Variants in C10orf67 observed in about 807,000 individuals in gnomAD.
C10orf67 encodes the protein uncharacterized protein C10orf67, mitochondrial.
C10orf67 carries 60 observed loss-of-function variants against 35.6 expected under a neutral mutation model. The observed-to-expected ratio is 1.68, with a 90% CI of 1.37 to 2.09. The LOEUF is 2.09. C10orf67 is among the 30% of genes most tolerant of loss of function. The pLI is 0.00. For synonymous variants in C10orf67, 167 were observed against 115.8 expected (o/e 1.44, Z -2.84); for missense variants, 474 against 330.2 (o/e 1.44, Z -3.38).
At chr10:23,228,620 A>G (rs1841813725) in intron 13 of C10orf67, among the ~76,000 whole-genome samples, 1 of 152,216 alleles carries the variant, frequency 6.6e-6, no homozygotes, top group South Asian at 2.1e-4. Flanking sequence ...GCTTCTGCAC[A>G]GCAAAAGAAA....
rs11013402 is a variant in C10orf67, at chr10:23,338,566, G to A, written c.207-5384C>T. ...TACAGAACATCTTATCCATCATCAC[G>A]GTATTCTCACAGCACCACTTCCCAT... is the stretch of plus-strand genomic sequence containing the variant. On this transcript the variant is annotated intron_variant, in intron 1 of 15. Transcript: ENST00000636213. Among the ~76,000 whole-genome samples the A allele has an allele frequency of 6.1e-3, 929 of 152,182 alleles. 10 individuals are homozygous for A. The highest frequency in any genetic ancestry group is 0.021 in the African/African-American group (878 of 41,518).
chr10:23,261,706 G>C (rs117588430), intron 10 of C10orf67, among the ~76,000 whole-genome samples: 2,064 of 152,250 alleles, frequency 0.014, 28 homozygotes, highest in Middle Eastern at 0.089. Flanking sequence ...CTCTGGATTT[G>C]GTGAGCAATA....
chr10:23,305,961 A>G (rs1844257366), intron 4 of C10orf67, among the ~76,000 whole-genome samples: 1 of 143,672 alleles, frequency 7.0e-6, no homozygotes, highest in Non-Finnish European at 1.5e-5. Flanking sequence ...AAAACGTTAC[A>G]TACGCGCACA....
At chr10:23,317,573 G>C (rs1001935129) in intron 4 of C10orf67, 1 of 152,194 alleles carries the variant, frequency 6.6e-6, no homozygotes, top group African/African-American at 2.4e-5. Context: ...GGCCACTGCT[G>C]AAATGATTAC....
rs570425674 is a variant in C10orf67, at chr10:23,317,690, C to T, written c.546+3051G>A. ...TCTATAGAAAACTTATTAAAATAAA[C>T]ACAAGAATTTAGCAAGATTTTTGGT... On this transcript the variant is annotated intron_variant, in intron 4 of 15. Coordinates refer to ENST00000636213, the MANE Select transcript of C10orf67 (RefSeq NM_001371909.1). 136 of 152,244 alleles carry T rather than the reference C, an allele frequency of 8.9e-4. 1 individual carries two copies. Among genetic ancestry groups the T allele is most frequent in the African/African-American group, 3.1e-3 (130 of 41,528 alleles). The allele number at this position is 152,244 out of a possible 1,614,324, so 9.4% of individuals were successfully genotyped here. A position where few individuals can be genotyped will look rare whatever the true frequency, so the allele number is the denominator to read the frequency against.
intron 2 of C10orf67, among the ~76,000 whole-genome samples, chr10:23,329,810 A>AAAAG (rs1845369200): frequency 6.7e-6 from 1 of 148,376 alleles, no homozygotes; most frequent in East Asian, 2.0e-4. Flanking sequence ...AAAAAAAAAA[A>AAAAG]AAAAAAGAAA....
At chr10:23,305,450 C>A (rs1186006134) in intron 4 of C10orf67, among the ~76,000 whole-genome samples, 2 of 151,998 alleles carry the variant, frequency 1.3e-5, no homozygotes, top group Non-Finnish European at 2.9e-5. Context: ...CCAGCCTGAG[C>A]AACATAACAA....
intron 7 of C10orf67, among the ~76,000 whole-genome samples, chr10:23,285,436 CAT>C (rs1425067989): frequency 3.3e-5 from 5 of 149,792 alleles, no homozygotes; most frequent in African/African-American, 1.2e-4. Context: ...TAATGTGAGT[CAT>C]ATATAATTTT....
At chr10:23,234,187 G>A (rs972665973) in intron 13 of C10orf67, among the ~76,000 whole-genome samples, 1 of 152,072 alleles carries the variant, frequency 6.6e-6, no homozygotes, top group African/African-American at 2.4e-5. Context: ...ATACACAAAG[G>A]AATATAAATT....
intron 15 of C10orf67, 48 bp downstream of exon 15, chr10:23,223,550 A>C (rs1217362709): frequency 7.0e-6 from 5 of 716,450 alleles, no homozygotes; most frequent in Non-Finnish European, 1.3e-5. Flanking sequence ...ATCTAGACTA[A>C]GTAGCCATTC....
At chr10:23,273,720 A>G (rs1843095483) in intron 8 of C10orf67, among the ~76,000 whole-genome samples, 1 of 152,214 alleles carries the variant, frequency 6.6e-6, no homozygotes, top group Non-Finnish European at 1.5e-5. Flanking sequence ...GGCATAGAGC[A>G]ATAGCTGGTC....
At chr10:23,243,238 C>T (rs1842227919) in intron 12 of C10orf67, among the ~76,000 whole-genome samples, 1 of 152,082 alleles carries the variant, frequency 6.6e-6, no homozygotes, top group Non-Finnish European at 1.5e-5. Flanking sequence ...GAAATAGATA[C>T]ATCTATAATC....
At chr10:23,248,546 G>T (rs1457132607) in intron 12 of C10orf67, among the ~76,000 whole-genome samples, 1 of 152,148 alleles carries the variant, frequency 6.6e-6, no homozygotes, top group Non-Finnish European at 1.5e-5. Context: ...CTCTGATCTT[G>T]ACTGGCTAAG....
chr10:23,204,238 G>T lies in C10orf67; in HGVS notation c.1588C>A (p.Pro530Thr). The T allele has an allele frequency of 1.5e-6, 1 of 653,908 alleles. No homozygotes were observed. The highest frequency in any genetic ancestry group is 2.9e-6 in the Non-Finnish European group (1 of 350,360). The allele number at this position is 653,908 out of a possible 1,614,324, so 40.5% of individuals were successfully genotyped here. ...LSPKGKLSES[P>T]KEESLEEPSM... is the part of the protein sequence containing the mutation. ...GGCTCCTCCAAGGACTCTTCTTTTGGGGATTCCGACAACTTCCCTAAACGT... is the reference window on the plus strand; with the variant it reads ...GGCTCCTCCAAGGACTCTTCTTTTGTGGATTCCGACAACTTCCCTAAACGT... The change falls in exon 16 of 16, where the codon CCA becomes ACA. Residue 530 changes from proline (P) to threonine (T), a missense_variant. Transcript: ENST00000636213.
At chr10:23,311,804 A>T (rs971767130) in intron 4 of C10orf67, among the ~76,000 whole-genome samples, 1 of 152,118 alleles carries the variant, frequency 6.6e-6, no homozygotes, top group Non-Finnish European at 1.5e-5. Flanking sequence ...TTGGAATTTC[A>T]ATTGTCTCAT....
intron 10 of C10orf67, among the ~76,000 whole-genome samples, chr10:23,256,753 G>A (rs1252022382): frequency 6.6e-6 from 1 of 151,976 alleles, no homozygotes; most frequent in Admixed American, 6.6e-5. Context: ...TTTGAAAGGA[G>A]TCTCTGTTGA....
At chr10:23,223,295 G>A (rs1033624292) in intron 15 of C10orf67, among the ~76,000 whole-genome samples, 1 of 151,976 alleles carries the variant, frequency 6.6e-6, no homozygotes, top group Non-Finnish European at 1.5e-5. Flanking sequence ...TGTTGCCTAG[G>A]CTGATCTCAA....
chr10:23,337,302 G>C (rs773092880), intron 1 of C10orf67, among the ~76,000 whole-genome samples: 1 of 152,222 alleles, frequency 6.6e-6, no homozygotes, highest in Non-Finnish European at 1.5e-5. Flanking sequence ...GGGAGGCTGA[G>C]GTGGGTGGGT....
At chr10:23,259,110 A>G (rs1842679344) in intron 10 of C10orf67, among the ~76,000 whole-genome samples, 2 of 152,206 alleles carry the variant, frequency 1.3e-5, no homozygotes, top group African/African-American at 4.8e-5. Flanking sequence ...TATCAACAGC[A>G]TCCAGGAATT....
Sources: gnomAD v4.1 joint callset for allele counts (sites outside exome capture counted in the v4.1 genomes callset) on GRCh38, gnomAD v4.1.1 for gene constraint, MANE v1.5 for transcripts, NCBI Gene and HGNC (gene_info 2026-07-23, HGNC 2026-07-21) for gene names.